The following RNF6 variants were observed in gnomAD, a reference collection of about 807,000 sequenced individuals.
The protein encoded by RNF6 is E3 ubiquitin-protein ligase RNF6.
A neutral mutation model predicts 50.1 loss-of-function variants in RNF6; 21 were observed. That is an observed-to-expected ratio of 0.42 (90% CI 0.30 to 0.60). The LOEUF is 0.60. Ranked by LOEUF, RNF6 falls within the 20% of genes least tolerant of loss-of-function variation. The pLI, the probability that RNF6 is intolerant of heterozygous loss-of-function variation, is 0.20. For missense variants in RNF6, 698 were observed against 838.2 expected, an observed-to-expected ratio of 0.83 and a Z score of 2.07; for synonymous variants, 255 against 291.8, an observed-to-expected ratio of 0.87 and a Z score of 1.29.
At chr13:26,165,247 A>T (rs923390128) in intron 5 of RNF6, among the ~76,000 whole-genome samples, 3 of 152,220 alleles carry the variant, frequency 2.0e-5, no homozygotes, top group Non-Finnish European at 2.9e-5. Context: ...TGAGCCTGCC[A>T]GTGCACCGAA....
At chr13:26,203,008 T>C (rs570540503) in intron 5 of RNF6, among the ~76,000 whole-genome samples, 128 of 152,234 alleles carry the variant, frequency 8.4e-4, no homozygotes, top group Non-Finnish European at 1.5e-3. Flanking sequence ...TAGGTAAGTG[T>C]GATTGTTATT....
At chr13:26,154,893 G>A (rs1026508260) in intron 5 of RNF6, among the ~76,000 whole-genome samples, 20 of 152,022 alleles carry the variant, frequency 1.3e-4, no homozygotes, top group Admixed American at 1.2e-3. Context: ...AGCCGGATGT[G>A]GTGGCGCACA....
At chr13:26,133,180 T>C (rs1207744706) in intron 5 of RNF6, among the ~76,000 whole-genome samples, 2 of 152,166 alleles carry the variant, frequency 1.3e-5, no homozygotes, top group South Asian at 4.1e-4. Flanking sequence ...GACCTCTAGA[T>C]TGATGGGTTT....
chr13:26,143,661 T>G (rs941979602), intron 5 of RNF6, among the ~76,000 whole-genome samples: 4 of 152,200 alleles, frequency 2.6e-5, no homozygotes, highest in Admixed American at 1.3e-4. Flanking sequence ...ATGCAGAGAA[T>G]GTACAGCCTC....
intron 5 of RNF6, among the ~76,000 whole-genome samples, chr13:26,174,488 T>C (rs1291776346): frequency 1.1e-5 from 1 of 94,816 alleles, no homozygotes; most frequent in East Asian, 2.2e-4. Flanking sequence ...CCATCTCTAC[T>C]AAAAATACAA....
intron 5 of RNF6, chr13:26,135,722 G>A (rs1204148517): frequency 6.6e-6 from 1 of 152,200 alleles, no homozygotes; most frequent in Non-Finnish European, 1.5e-5. Flanking sequence ...ACGTAGGACT[G>A]TGACCACCAA....
intron 5 of RNF6, among the ~76,000 whole-genome samples, chr13:26,178,085 AG>A (rs1873050694): frequency 6.6e-6 from 1 of 152,196 alleles, no homozygotes; most frequent in Admixed American, 6.5e-5. Flanking sequence ...GCTACTCAGG[AG>A]GCTGAGGTGG....
At chr13:26,194,655 A>T (rs1251185888) in intron 5 of RNF6, among the ~76,000 whole-genome samples, 1 of 149,510 alleles carries the variant, frequency 6.7e-6, no homozygotes. Context: ...TATATATATG[A>T]GTTTATTAAG....
chr13:26,168,834 C>G (rs900410565), intron 5 of RNF6, among the ~76,000 whole-genome samples: 1 of 152,206 alleles, frequency 6.6e-6, no homozygotes, highest in Non-Finnish European at 1.5e-5. Context: ...AAGACCCTAT[C>G]TCTACAAAAA....
chr13:26,157,992 TAGATAGA>T (rs1217027020), intron 5 of RNF6, among the ~76,000 whole-genome samples: 5 of 145,920 alleles, frequency 3.4e-5, no homozygotes, highest in South Asian at 2.2e-4. Flanking sequence ...GATAGATAGA[TAGATAGA>T]AGAAGTCATT....
chr13:26,159,451 C>G (rs892646243), intron 5 of RNF6, among the ~76,000 whole-genome samples: 4 of 151,862 alleles, frequency 2.6e-5, no homozygotes, highest in Non-Finnish European at 5.9e-5. Context: ...GGTGAAACGC[C>G]GTCTCTACTA....
chr13:26,160,504 T>C (rs982232190), intron 5 of RNF6, among the ~76,000 whole-genome samples: 38 of 150,832 alleles, frequency 2.5e-4, no homozygotes, highest in African/African-American at 8.8e-4. Context: ...GACTACAGGC[T>C]TATGCCACTG....
chr13:26,159,274 T>G (rs1872087871), intron 5 of RNF6, among the ~76,000 whole-genome samples: 1 of 152,182 alleles, frequency 6.6e-6, no homozygotes, highest in South Asian at 2.1e-4. Flanking sequence ...TTAGATTATT[T>G]CATCAATTGT....
intron 5 of RNF6, among the ~76,000 whole-genome samples, chr13:26,169,433 C>T (rs952296031): frequency 1.3e-5 from 2 of 152,210 alleles, no homozygotes; most frequent in East Asian, 3.9e-4. Flanking sequence ...CTGACCAAGG[C>T]AGCCATTAAG....
At chr13:26,209,685 G>C (rs1869241136), downstream of RNF6, among the ~76,000 whole-genome samples, 1 of 152,214 alleles carries the variant, frequency 6.6e-6, no homozygotes, top group Non-Finnish European at 1.5e-5. Context: ...GAGAAGGTGA[G>C]CACATTTGGA....
chr13:26,142,873 A>T (rs1159347432), intron 5 of RNF6, among the ~76,000 whole-genome samples: 1 of 152,182 alleles, frequency 6.6e-6, no homozygotes, highest in Non-Finnish European at 1.5e-5. Flanking sequence ...TGAATCTAAA[A>T]ATAAAATTAA....
chr13:26,180,146 G>T (rs1234316323), intron 5 of RNF6, among the ~76,000 whole-genome samples: 1 of 152,184 alleles, frequency 6.6e-6, no homozygotes, highest in Non-Finnish European at 1.5e-5. Context: ...TGGCTAGTGA[G>T]CCCAGTGACC....
At chr13:26,133,806 G>A (rs1870512104) in intron 5 of RNF6, among the ~76,000 whole-genome samples, 1 of 151,978 alleles carries the variant, frequency 6.6e-6, no homozygotes, top group South Asian at 2.1e-4. Flanking sequence ...AAAATCTCTC[G>A]GATAATTCTA....
chr13:26,165,050 C>T (rs1165685036), intron 5 of RNF6, among the ~76,000 whole-genome samples: 2 of 152,116 alleles, frequency 1.3e-5, no homozygotes, highest in Non-Finnish European at 2.9e-5. Flanking sequence ...CCATCATAAG[C>T]CTGGAGGCCT....
Sources: allele counts gnomAD v4.1 joint callset (sites outside exome capture counted in the v4.1 genomes callset), GRCh38; gene constraint gnomAD v4.1.1; transcripts MANE v1.5; gene names NCBI Gene and HGNC (gene_info 2026-07-23, HGNC 2026-07-21).